Variants in PRR14L observed in about 807,000 individuals in gnomAD.
PRR14L encodes the protein proline rich 14 like, also known as protein PRR14L.
A neutral mutation model predicts 155.0 loss-of-function variants in PRR14L; 80 were observed. The observed-to-expected ratio is 0.52, with a 90% CI of 0.43 to 0.62. The LOEUF (loss-of-function observed/expected upper bound fraction) is 0.62, where lower values mean the gene tolerates loss of function less well. Among genes scored for constraint, PRR14L ranks in the 20% least tolerant of loss-of-function variants. The probability of loss-of-function intolerance (pLI) is 0.00; values close to 1 mark genes in which losing one functional copy is unlikely to be tolerated. For missense variants in PRR14L, 2,469 were observed against 2,548.0 expected, an observed-to-expected ratio of 0.97 and a Z score of 0.67; for synonymous variants, 883 against 916.0, an observed-to-expected ratio of 0.96 and a Z score of 0.65.
At position 31,704,696 on chromosome 22, in the gene PRR14L, T is replaced by TG; in HGVS notation, c.5786dup (p.Gly1930ArgfsTer7). 6.2e-7 allele frequency: 1 copy of TG among 1,613,998 alleles called. No homozygotes were observed. ...TGGTGTTATATGTAGCTTCCATGCC[T>TG]GGAAGAGGCACATATGGTAACATGG... On this transcript the variant is annotated frameshift_variant, in exon 5 of 9. Transcript: ENST00000327423. LOFTEE classifies it high-confidence loss of function.
intron 2 of PRR14L, among the ~76,000 whole-genome samples, chr22:31,733,625 C>A (rs5994426): frequency 0.1 from 15,541 of 152,054 alleles, 841 homozygotes; most frequent in South Asian, 0.19. Context: ...TTAAAGTGTT[C>A]GGTGAACAGG....
Position 31,745,403 on chromosome 22 carries a change from T to A in PRR14L, c.-52+4590A>T, listed in dbSNP as rs1355829711. ...AAAAATAAAAAATAAAAAATAAAAATAAACTTATTTTCAGCTCAGTAGCTC... is the reference window on the plus strand; with the variant it reads ...AAAAATAAAAAATAAAAAATAAAAAAAAACTTATTTTCAGCTCAGTAGCTC... On this transcript the variant is annotated intron_variant, in intron 1 of 8. Transcript: ENST00000327423. Among the ~76,000 whole-genome samples, 8 of 151,476 alleles carry A rather than the reference T, an allele frequency of 5.3e-5. No individual in the cohort carries two copies. The East Asian group carries it at 1.5e-3, about 29-fold the overall frequency.
At chr22:31,721,559 C>G (rs1017140101) in intron 3 of PRR14L, among the ~76,000 whole-genome samples, 2 of 144,650 alleles carry the variant, frequency 1.4e-5, no homozygotes, top group African/African-American at 5.2e-5. Context: ...CAGAGCAAGA[C>G]TCACAAAAAA....
intron 1 of PRR14L, among the ~76,000 whole-genome samples, chr22:31,746,795 CTTT>C (rs770907499): frequency 0.014 from 1,892 of 131,222 alleles, 27 homozygotes; most frequent in African/African-American, 0.051. Flanking sequence ...TCCCAGCAGT[CTTT>C]TTTTTTTTTT....
chr22:31,699,457 T>C (rs2074552256), intron 7 of PRR14L, among the ~76,000 whole-genome samples: 2 of 152,188 alleles, frequency 1.3e-5, no homozygotes, highest in Non-Finnish European at 2.9e-5. Context: ...AACATGATGC[T>C]CAAAGGTTAT....
At chr22:31,733,395 T>TCCACC (rs2074761492) in intron 2 of PRR14L, among the ~76,000 whole-genome samples, 1 of 142,100 alleles carries the variant, frequency 7.0e-6, no homozygotes, top group South Asian at 2.3e-4. Flanking sequence ...ACCTCCGCCT[T>TCCACC]TGGGGTTCAA....
At chr22:31,689,786 G>A (rs2074502044) in intron 7 of PRR14L, among the ~76,000 whole-genome samples, 1 of 151,710 alleles carries the variant, frequency 6.6e-6, no homozygotes, top group South Asian at 2.1e-4. Flanking sequence ...CGCTCTTTTT[G>A]CCCAGACTGG....
At position 31,715,748 on chromosome 22, in the gene PRR14L, T is replaced by C; in HGVS notation, c.2091A>G (p.Arg697=). The change falls in exon 4 of 9, where the codon AGA becomes AGG. Residue 697 remains arginine, a synonymous_variant. Transcript: ENST00000327423. ...TTTGTATATCAGCAATGACATCTGC[T>C]CTACCCTCTAATGGAGGGTGATGGC... ...HQSHHPPLEG[R]ADVIADIQTI... is the part of the protein sequence containing the mutation. 1 of 1,551,944 alleles carries C rather than the reference T, an allele frequency of 6.4e-7. No individual in the cohort carries two copies. The highest frequency in any genetic ancestry group is 1.2e-5 in the South Asian group (1 of 84,060).
intron 5 of PRR14L, among the ~76,000 whole-genome samples, chr22:31,704,056 C>G (rs927162041): frequency 3.3e-5 from 5 of 152,158 alleles, no homozygotes; most frequent in Admixed American, 1.3e-4. Context: ...ACCGGCCTCC[C>G]AAAGTGCTGG....
Position 31,712,811 on chromosome 22 carries a change from A to G in PRR14L, c.5028T>C (p.Ala1676=), listed in dbSNP as rs1569498587. The G allele has an allele frequency of 6.4e-7, 1 of 1,552,174 alleles. No individual in the cohort carries two copies. The highest frequency in any genetic ancestry group is 8.7e-7 in the Non-Finnish European group (1 of 1,147,094). Residue 1676 remains alanine (A), a synonymous_variant, in exon 4 of 9, where the codon GCT becomes GCC. Transcript: ENST00000327423. ...TGTTAGGCCTCTTATCCCATCCACT[A>G]GCTGCCAAATATGGATTCAGCTGCT... ...STEQLNPYLA[A]SGWDKRPNSK...
At chr22:31,720,148 C>T (rs972417973) in intron 3 of PRR14L, among the ~76,000 whole-genome samples, 1 of 152,162 alleles carries the variant, frequency 6.6e-6, no homozygotes, top group African/African-American at 2.4e-5. Context: ...TGTAAGATGT[C>T]ATGTGGGACA....
chr22:31,681,502 T>C lies in PRR14L; in HGVS notation c.*4025A>G, dbSNP rs565682430. 6.6e-6 allele frequency: 1 copy of C among 152,048 alleles called. No individual in the cohort carries two copies. The highest frequency in any genetic ancestry group is 1.5e-5 in the Non-Finnish European group (1 of 68,020). The allele number at this position is 152,048 out of a possible 1,614,324, so 9.4% of individuals were successfully genotyped here. On this transcript the variant is annotated 3_prime_UTR_variant, in exon 9 of 9. Coordinates refer to ENST00000327423, the MANE Select transcript of PRR14L (RefSeq NM_173566.3). ...ACAAATTTCATTGAACTACTGACCA[T>C]GATAATATATAAACATGTCAGGCAG... is the stretch of plus-strand genomic sequence containing the variant.
At chr22:31,735,155 G>C (rs1330667941) in intron 2 of PRR14L, among the ~76,000 whole-genome samples, 1 of 152,126 alleles carries the variant, frequency 6.6e-6, no homozygotes, top group Non-Finnish European at 1.5e-5. Flanking sequence ...AAAAGAACAG[G>C]GTGGCGGGGC....
chr22:31,733,147 C>T (rs1038397184), intron 2 of PRR14L, among the ~76,000 whole-genome samples: 2 of 151,854 alleles, frequency 1.3e-5, no homozygotes, highest in Non-Finnish European at 2.9e-5. Flanking sequence ...GCCACACGCC[C>T]GGCTAATTTT....
Position 31,715,339 on chromosome 22 carries a change from A to C in PRR14L, c.2500T>G (p.Cys834Gly). The C allele has an allele frequency of 1.3e-6, 2 of 1,552,060 alleles. No individual in the cohort carries two copies. Among genetic ancestry groups the C allele is most frequent in the Middle Eastern group, 3.3e-4 (2 of 5,994 alleles). Residue 834 changes from cysteine to glycine, a missense_variant, in exon 4 of 9, where the codon TGC becomes GGC. This residue lies in a region of PRR14L where 2,363 missense variants were observed against 2,371.6 expected (regional missense o/e 1.00). Transcript: ENST00000327423. ...ACAGAGTGTCCTGTTCCTTGGCAGC[A>C]GTGATCACGGTGCTGAAATGCATTT... ...YENAFQHRDH[C>G]CQGTGHSVEK...
rs569375896 is a variant in PRR14L at position 31,716,558 on chromosome 22, A to G, written c.1281T>C (p.Arg427=). 2.2e-5 allele frequency: 34 copies of G among 1,547,644 alleles called. No individual in the cohort carries two copies. Among genetic ancestry groups the G allele is most frequent in the Admixed American group, 4.0e-5 (2 of 49,912 alleles). The change falls in exon 4 of 9, where the codon CGT becomes CGC. Residue 427 remains arginine, a synonymous_variant. Transcript: ENST00000327423. ...AREPEKEISG[R]CSGEKEPVVS... ...CAACAGGCTCTTTTTCACCAGAACA[A>G]CGACCACTAATCTCCTTTTCTGGTT...
Position 31,714,598 on chromosome 22 carries a change from C to T in PRR14L, c.3241G>A (p.Ala1081Thr), listed in dbSNP as rs1178173199. Residue 1081 changes from alanine to threonine, a missense_variant, in exon 4 of 9, where the codon GCA (alanine) becomes ACA (threonine). Ala to Thr is a moderately conservative substitution (Grantham distance 58). Around this residue, in one of 2 missense-constraint regions of PRR14L, gnomAD observed 2,363 missense variants for 2,371.6 expected, o/e 1.00. Transcript: ENST00000327423. ...VKASNLLDCG[A>T]RQEKLAFQED... The stretch of plus-strand genomic sequence containing the variant: ...TGAAATGCCAGTTTCTCTTGCCTTG[C>T]ACCACAATCCAGTAGATTAGATGCC... The T allele has an allele frequency of 1.9e-6, 3 of 1,551,798 alleles. No individual in the cohort carries two copies. Among genetic ancestry groups the T allele is most frequent in the African/African-American group, 2.7e-5 (2 of 73,052 alleles).
At chr22:31,688,257 A>C in intron 7 of PRR14L, 30 bp from the exon 8 acceptor site, 1 of 1,542,200 alleles carries the variant, frequency 6.5e-7, no homozygotes, top group Non-Finnish European at 8.7e-7. Context: ...AAAATTCTTC[A>C]GGTTCTCTCT....
At position 31,721,567 on chromosome 22, in the gene PRR14L, A is replaced by C. The variant is rs144107229; in HGVS notation, c.547+3971T>G. 2.5e-3 allele frequency among the ~76,000 whole-genome samples: 375 copies of C among 152,078 alleles called. 2 individuals carry two copies. The highest frequency in any genetic ancestry group is 8.0e-3 in the African/African-American group (334 of 41,504). On this transcript the variant is annotated intron_variant, in intron 3 of 8. Transcript: ENST00000327423. ...TGGGCGACAGAGCAAGACTCACAAA[A>C]AAAAAAAAAAAGGTTCAATCTGTTG...
Sources: allele counts gnomAD v4.1 joint callset (sites outside exome capture counted in the v4.1 genomes callset), GRCh38; gene constraint gnomAD v4.1.1; regional missense constraint gnomAD v4.1.1; transcripts MANE v1.5; gene names NCBI Gene and HGNC (gene_info 2026-07-23, HGNC 2026-07-21).